The following KLRB1 variants were observed in gnomAD, a reference collection of about 807,000 sequenced individuals.
The protein encoded by KLRB1 is killer cell lectin-like receptor subfamily B member 1.
In KLRB1, 27 loss-of-function variants were observed where a neutral mutation model predicts 33.5. That is an observed-to-expected ratio of 0.81 (90% CI 0.59 to 1.11). The LOEUF (loss-of-function observed/expected upper bound fraction) is 1.11. Ranked by LOEUF, KLRB1 falls within the 50% of genes most tolerant of loss-of-function variation. The pLI is 0.00. For synonymous variants in KLRB1, 64 were observed against 88.9 expected (o/e 0.72, Z 1.58); for missense variants, 241 against 254.1 (o/e 0.95, Z 0.35).
intron 5 of KLRB1, among the ~76,000 whole-genome samples, chr12:9,597,777 T>G (rs926654730): frequency 4.6e-5 from 7 of 152,188 alleles, no homozygotes; most frequent in African/African-American, 1.7e-4. Context: ...TATTTTTAAT[T>G]TAATGTGCCC....
In KLRB1 at chr12:9,598,117, C is replaced by A; in HGVS notation, c.459G>T (p.Trp153Cys). ...NLIRDKAILFWIGLNFSLSEK... is the reference protein window; with the variant it reads ...NLIRDKAILFCIGLNFSLSEK... ...CTGATAATGAAAAATTTAATCCAAT[C>A]CAAAACAGAATTGCTTTGTCACGTA... Residue 153 changes from tryptophan to cysteine, a missense_variant, in exon 5 of 6, where the codon TGG (tryptophan) becomes TGT (cysteine). By Grantham distance (215) the Trp-to-Cys change is radical. Coordinates refer to ENST00000229402, the MANE Select transcript of KLRB1 (RefSeq NM_002258.3). 1 of 1,599,790 alleles carries A rather than the reference C, an allele frequency of 6.3e-7. No homozygotes were observed. The highest frequency in any genetic ancestry group is 8.5e-7 in the Non-Finnish European group (1 of 1,175,146).
At chr12:9,607,325 C>CCTT (rs1864619951) in intron 1 of KLRB1, among the ~76,000 whole-genome samples, 4 of 52,268 alleles carry the variant, frequency 7.7e-5, no homozygotes, top group Admixed American at 6.6e-4. Flanking sequence ...TCTTTTCTTT[C>CCTT]TCTTTCTTTC....
intron 1 of KLRB1, among the ~76,000 whole-genome samples, chr12:9,605,483 T>A (rs1864589332): frequency 6.6e-6 from 1 of 152,264 alleles, no homozygotes; most frequent in Non-Finnish European, 1.5e-5. Flanking sequence ...TCTATTTTGT[T>A]CACTGCTGTA....
In KLRB1 at chr12:9,598,076, C is replaced by T. The variant is rs1285108310; in HGVS notation, c.500G>A (p.Trp167Ter). ...NFSLSEKNWK[W>*]INGSFLNSND... Reference sequence around the variant, plus strand: ...AGAATTTAAAAAAGAGCCGTTTATCCACTTCCAGTTCTTTTCTGATAATGA... The same window carrying T: ...AGAATTTAAAAAAGAGCCGTTTATCTACTTCCAGTTCTTTTCTGATAATGA... The change falls in exon 5 of 6, where the codon TGG (tryptophan) becomes TAG (stop). Residue 167 changes from tryptophan to a stop codon, truncating the protein, a stop_gained. Transcript: ENST00000229402. LOFTEE classifies it high-confidence loss of function. The T allele has an allele frequency of 6.4e-7, 1 of 1,572,642 alleles. No individual in the cohort carries two copies. The highest frequency in any genetic ancestry group is 1.9e-5 in the Admixed American group (1 of 53,390).
At chr12:9,606,658 A>ATG (rs1864602875) in intron 1 of KLRB1, among the ~76,000 whole-genome samples, 1 of 98,304 alleles carries the variant, frequency 1.0e-5, no homozygotes. Context: ...TTATATATAT[A>ATG]TATATAAAAT....
At chr12:9,600,387 A>AG (rs1864527767) in intron 2 of KLRB1, among the ~76,000 whole-genome samples, 1 of 152,162 alleles carries the variant, frequency 6.6e-6, no homozygotes, top group Non-Finnish European at 1.5e-5. Context: ...ATATGGACTG[A>AG]CTGTTAGAAA....
At chr12:9,597,638 TTTTTC>T (rs754355275) in intron 5 of KLRB1, among the ~76,000 whole-genome samples, 3 of 152,162 alleles carry the variant, frequency 2.0e-5, no homozygotes, top group Non-Finnish European at 2.9e-5. Context: ...TATTTACTAT[TTTTTC>T]TTTTCTTTTA....
At chr12:9,600,775 C>T (rs1864532428) in intron 2 of KLRB1, among the ~76,000 whole-genome samples, 1 of 151,426 alleles carries the variant, frequency 6.6e-6, no homozygotes, top group African/African-American at 2.4e-5. Context: ...GCCGCAGGGA[C>T]CTCTGCCTAG....
chr12:9,595,151 A>G lies in KLRB1; in HGVS notation c.*123T>C, dbSNP rs182602285. On this transcript the variant is annotated 3_prime_UTR_variant, in exon 6 of 6. Coordinates refer to ENST00000229402, the MANE Select transcript of KLRB1 (RefSeq NM_002258.3). Reference sequence around the variant, plus strand: ...TCTGTAAGATTCATAACAGTTGTCAATTCTCAGAATTGTTCACTTTGTGCC... The same window carrying G: ...TCTGTAAGATTCATAACAGTTGTCAGTTCTCAGAATTGTTCACTTTGTGCC... 128 of 762,450 alleles carry G rather than the reference A, an allele frequency of 1.7e-4. 1 individual carries two copies. The highest frequency in any genetic ancestry group is 1.6e-3 in the African/African-American group (92 of 57,116). The allele number at this position is 762,450 out of a possible 1,614,324, so 47.2% of individuals were successfully genotyped here.
Position 9,607,361 on chromosome 12 carries a change from TTTC to T in KLRB1, c.85+391_85+393del, listed in dbSNP as rs1382493755. ...CTTTCTTTCTTTCTTTCTTCCTTTC[TTTC>T]TTTCTTTCTTTCTTTCTTTCTTTCT... On this transcript the variant is annotated intron_variant, in intron 1 of 5. Coordinates refer to ENST00000229402, the MANE Select transcript of KLRB1 (RefSeq NM_002258.3). Among the ~76,000 whole-genome samples, 4 of 77,424 alleles carry T rather than the reference TTTC, an allele frequency of 5.2e-5. 1 individual carries two copies. Among genetic ancestry groups the T allele is most frequent in the African/African-American group, 1.6e-4 (4 of 25,718 alleles). The allele number at this position is 77,424 out of a possible 152,430, so 50.8% of individuals were successfully genotyped here. A position where few individuals can be genotyped will look rare whatever the true frequency, so the allele number is the denominator to read the frequency against.
chr12:9,604,267 G>A (rs1019469204), intron 1 of KLRB1, among the ~76,000 whole-genome samples: 1 of 152,158 alleles, frequency 6.6e-6, no homozygotes, highest in Admixed American at 6.5e-5. Flanking sequence ...AGTTTAAAAA[G>A]TATGTGAAAT....
intron 1 of KLRB1, among the ~76,000 whole-genome samples, chr12:9,607,305 CTTT>C (rs1315377267): frequency 5.0e-5 from 4 of 79,882 alleles, no homozygotes; most frequent in African/African-American, 2.5e-4. Flanking sequence ...TCTCTCCTTT[CTTT>C]CTTTCTTCTT....
chr12:9,607,338 T>TTCTTTCTTTCTG lies in KLRB1; in HGVS notation c.85+416_85+417insCAGAAAGAAAGA, dbSNP rs1565444545. 5.0e-4 allele frequency among the ~76,000 whole-genome samples: 25 copies of TTCTTTCTTTCTG among 49,848 alleles called. 1 individual carries two copies. The East Asian group carries it at 0.015, about 30-fold the overall frequency. The allele number at this position is 49,848 out of a possible 152,430, so 32.7% of individuals were successfully genotyped here. On this transcript the variant is annotated intron_variant, in intron 1 of 5. Coordinates refer to ENST00000229402, the MANE Select transcript of KLRB1 (RefSeq NM_002258.3). ...CTTCTTTTCTTTCTCTTTCTTTCCT[T>TTCTTTCTTTCTG]TCTTTCTTTCTTTCTTCCTTTCTTT...
At chr12:9,606,853 C>T (rs1056474977) in intron 1 of KLRB1, among the ~76,000 whole-genome samples, 7 of 146,522 alleles carry the variant, frequency 4.8e-5, no homozygotes, top group African/African-American at 1.8e-4. Context: ...ATCTCTTGGG[C>T]TCAAGCAATC....
In KLRB1 at chr12:9,599,829, A is replaced by T; in HGVS notation, c.197T>A (p.Ile66Lys). The change falls in exon 3 of 6, where the codon ATA (isoleucine) becomes AAA (lysine). Residue 66 changes from isoleucine to lysine, a missense_variant. Ile to Lys is a moderately radical substitution (Grantham distance 102). Transcript: ENST00000229402. ...TGLSVSVTSL[I>K]QKSSIEKCSV... ...GCATTTTTCTATTGATGATTTCTGT[A>T]TTAAGGATGTCACTAGTACATAAGG... is the stretch of plus-strand genomic sequence containing the variant. The T allele has an allele frequency of 6.3e-7, 1 of 1,588,556 alleles. No homozygotes were observed. The highest frequency in any genetic ancestry group is 2.2e-5 in the East Asian group (1 of 44,678).
At chr12:9,602,821 C>G (rs764723687) in intron 1 of KLRB1, among the ~76,000 whole-genome samples, 2 of 151,722 alleles carry the variant, frequency 1.3e-5, no homozygotes, top group African/African-American at 4.8e-5. Flanking sequence ...TAATATTATC[C>G]TTTAGTCTCT....
Position 9,598,571 on chromosome 12 carries a change from A to G in KLRB1, c.342T>C (p.Pro114=), listed in dbSNP as rs781005115. 1 of 1,613,106 alleles carries G rather than the reference A, an allele frequency of 6.2e-7. No homozygotes were observed. Among genetic ancestry groups the G allele is most frequent in the Admixed American group, 1.7e-5 (1 of 59,988 alleles). Residue 114 remains proline (P), a synonymous_variant, in exon 4 of 6, where the codon CCT becomes CCC. Transcript: ENST00000229402. ...KCLLFSHTVN[P]WNNSLADCST... is the part of the protein sequence containing the mutation. ...AACAATCAGCTAGACTGTTATTCCAAGGGTTGACAGTGTGAGAAAATAACA... is the reference window on the plus strand; with the variant it reads ...AACAATCAGCTAGACTGTTATTCCAGGGGTTGACAGTGTGAGAAAATAACA...
chr12:9,606,635 T>C (rs1421189029), intron 1 of KLRB1, among the ~76,000 whole-genome samples: 1 of 136,054 alleles, frequency 7.4e-6, no homozygotes, highest in African/African-American at 2.8e-5. Context: ...ATGTTACTCA[T>C]TAAGCCTACA....
chr12:9,599,213 G>A (rs925191117), intron 3 of KLRB1, among the ~76,000 whole-genome samples: 1 of 152,140 alleles, frequency 6.6e-6, no homozygotes, highest in African/African-American at 2.4e-5. Flanking sequence ...TGATCTATTG[G>A]ATAGAATTTT....
Sources: allele counts gnomAD v4.1 joint callset (sites outside exome capture counted in the v4.1 genomes callset), GRCh38; gene constraint gnomAD v4.1.1; transcripts MANE v1.5; gene names NCBI Gene and HGNC (gene_info 2026-07-23, HGNC 2026-07-21).